PDE1C: variants seen among roughly 807,000 people sequenced by gnomAD.
The protein encoded by PDE1C is dual specificity calcium/calmodulin-dependent 3',5'-cyclic nucleotide phosphodiesterase 1C.
In PDE1C, 62 loss-of-function variants were observed where a neutral mutation model predicts 93.1. The ratio of observed to expected loss-of-function variants is 0.67; its 90% confidence interval spans 0.54 to 0.82. The LOEUF is 0.82. PDE1C is among the 40% of genes least tolerant of loss of function. The pLI is 0.00. For missense variants in PDE1C, 742 were observed against 884.6 expected, an observed-to-expected ratio of 0.84 and a Z score of 2.04; for synonymous variants, 325 against 310.1, an observed-to-expected ratio of 1.05 and a Z score of -0.50.
At chr7:32,380,936 C>T (rs1460838499) in intron 1 of PDE1C, among the ~76,000 whole-genome samples, 1 of 152,016 alleles carries the variant, frequency 6.6e-6, no homozygotes, top group Non-Finnish European at 1.5e-5. Context: ...TGAATCACAC[C>T]TAGTTTTCCA....
At chr7:32,392,241 C>T (rs1037669018) in intron 1 of PDE1C, among the ~76,000 whole-genome samples, 4 of 151,984 alleles carry the variant, frequency 2.6e-5, no homozygotes, top group African/African-American at 4.8e-5. Flanking sequence ...GAAATTCTTA[C>T]AAAAACATGT....
At chr7:32,151,416 C>T (rs903872652) in intron 3 of PDE1C, among the ~76,000 whole-genome samples, 1 of 152,220 alleles carries the variant, frequency 6.6e-6, no homozygotes, top group African/African-American at 2.4e-5. Flanking sequence ...TTCCCAACTC[C>T]ATTCTGTGAA....
chr7:31,643,468 C>T, the PDE1C span: 2 of 1,614,024 alleles, frequency 1.2e-6, no homozygotes, highest in Non-Finnish European at 1.7e-6. Flanking sequence ...AAACCTTCCT[C>T]TAAATACTGG....
chr7:32,109,873 A>G (rs929539122), intron 3 of PDE1C, among the ~76,000 whole-genome samples: 17 of 152,156 alleles, frequency 1.1e-4, no homozygotes, highest in Non-Finnish European at 2.4e-4. Context: ...CTATTATTTT[A>G]AAAATACTGC....
At chr7:32,102,961 T>C (rs1798109925) in intron 3 of PDE1C, among the ~76,000 whole-genome samples, 1 of 152,184 alleles carries the variant, frequency 6.6e-6, no homozygotes, top group Admixed American at 6.5e-5. Context: ...ACAACCCACA[T>C]AAAACCATAT....
chr7:31,794,118 G>A (rs13230795), intron 16 of PDE1C, among the ~76,000 whole-genome samples: 3 of 135,002 alleles, frequency 2.2e-5, no homozygotes, highest in African/African-American at 5.6e-5. Flanking sequence ...ATGGGCAGGC[G>A]GGCAGGCAGG....
intron 3 of PDE1C, among the ~76,000 whole-genome samples, chr7:32,130,664 C>T (rs114541326): frequency 0.018 from 2,756 of 152,086 alleles, 82 homozygotes; most frequent in African/African-American, 0.064. Context: ...GTAGTATTCA[C>T]CAAAAAATCT....
chr7:32,003,547 T>TA (rs1190998389), intron 2 of PDE1C, among the ~76,000 whole-genome samples: 3 of 152,360 alleles, frequency 2.0e-5, no homozygotes, highest in African/African-American at 7.2e-5. Flanking sequence ...CTAAAGCCAG[T>TA]AATATGTCTT....
At chr7:32,069,055 G>T (rs1431468851) in intron 1 of PDE1C, among the ~76,000 whole-genome samples, 1 of 152,184 alleles carries the variant, frequency 6.6e-6, no homozygotes, top group African/African-American at 2.4e-5. Flanking sequence ...ACTAGCGGTG[G>T]CTAGACAAGT....
chr7:32,344,161 T>A (rs571803157), intron 1 of PDE1C, among the ~76,000 whole-genome samples: 1 of 152,260 alleles, frequency 6.6e-6, no homozygotes, highest in East Asian at 1.9e-4. Flanking sequence ...GCAGCCTCCA[T>A]CTCCTGGGCT....
At chr7:31,699,998 C>T in the PDE1C span, among the ~76,000 whole-genome samples, 1 of 152,014 alleles carries the variant, frequency 6.6e-6, no homozygotes, top group African/African-American at 2.4e-5. Flanking sequence ...CCACGAGACA[C>T]AAAGATATTG....
intron 1 of PDE1C, among the ~76,000 whole-genome samples, chr7:32,251,963 G>C (rs531192876): frequency 1.3e-5 from 2 of 152,280 alleles, no homozygotes; most frequent in South Asian, 4.1e-4. Flanking sequence ...CTCCCCCTGT[G>C]GTTGTAAAGA....
intron 2 of PDE1C, among the ~76,000 whole-genome samples, chr7:32,206,687 C>T (rs912129443): frequency 6.6e-6 from 1 of 152,192 alleles, no homozygotes; most frequent in Non-Finnish European, 1.5e-5. Context: ...GTGAGGTGCC[C>T]ACCATGCAGT....
chr7:32,083,655 T>C (rs771470263), intron 3 of PDE1C, among the ~76,000 whole-genome samples: 32 of 152,302 alleles, frequency 2.1e-4, no homozygotes, highest in Non-Finnish European at 3.7e-4. Flanking sequence ...CAGATCTCTC[T>C]GCAGAATCTC....
intron 6 of PDE1C, 35 bp downstream of exon 6, chr7:31,873,257 G>T: frequency 7.9e-7 from 1 of 1,271,558 alleles, no homozygotes; most frequent in Non-Finnish European, 1.1e-6. Flanking sequence ...TATGCATGTA[G>T]TTTATTTATT....
At position 32,087,851 on chromosome 7, in the gene PDE1C, T is replaced by A. The variant is rs572852858; in HGVS notation, c.308+81934A>T. Among the ~76,000 whole-genome samples the A allele has an allele frequency of 6.5e-4, 67 of 102,938 alleles. 1 individual carries two copies. The East Asian group carries it at 0.019, about 29-fold the overall frequency. The allele number at this position is 102,938 out of a possible 152,430, so 67.5% of individuals were successfully genotyped here. ...GAACATCACACTCTAGGGACTGTTG[T>A]GGGGTGGTGGGAGGGGGGAGGGATA... is the stretch of plus-strand genomic sequence containing the variant. On this transcript the variant is annotated intron_variant, in intron 3 of 18. Transcript: ENST00000396193.
At chr7:32,132,726 T>C (rs1044607372) in intron 3 of PDE1C, among the ~76,000 whole-genome samples, 2 of 152,102 alleles carry the variant, frequency 1.3e-5, no homozygotes, top group Admixed American at 6.6e-5. Flanking sequence ...CAGAAAATTG[T>C]TGGGGGCAAG....
chr7:32,051,471 G>C lies in PDE1C; in HGVS notation c.128+83C>G, dbSNP rs184388846. On this transcript the variant is annotated intron_variant, in intron 2 of 17. Coordinates refer to ENST00000396191, the MANE Select transcript of PDE1C (RefSeq NM_001191057.4). ...AAGAACCAAAAGCCTGTTTATTACAGTTCCAGTCCACCATGAGCCAGACTT... is the reference window on the plus strand; with the variant it reads ...AAGAACCAAAAGCCTGTTTATTACACTTCCAGTCCACCATGAGCCAGACTT... 1.2e-5 allele frequency: 16 copies of C among 1,287,982 alleles called. No homozygotes were observed. The East Asian group carries it at 3.5e-4, about 28-fold the overall frequency. 79.8% of individuals were successfully genotyped at this position (1,287,982 alleles called of 1,614,324 possible). A position where few individuals can be genotyped will look rare whatever the true frequency, so the allele number is the denominator to read the frequency against.
chr7:31,739,570 A>T, the PDE1C span, among the ~76,000 whole-genome samples: 2 of 152,232 alleles, frequency 1.3e-5, no homozygotes, highest in African/African-American at 4.8e-5. Flanking sequence ...GAAAGTGGTT[A>T]CTTGAAGGAT....
Sources: allele counts gnomAD v4.1 joint callset (sites outside exome capture counted in the v4.1 genomes callset), GRCh38; gene constraint gnomAD v4.1.1; transcripts MANE v1.5; gene names NCBI Gene and HGNC (gene_info 2026-07-23, HGNC 2026-07-21).